The following PBX1 variants were observed in gnomAD, a reference collection of about 807,000 sequenced individuals.
PBX1 encodes the protein pre-B-cell leukemia transcription factor 1.
Under a neutral mutation model 53.4 loss-of-function variants are expected in PBX1, and 6 were observed. That is an observed-to-expected ratio of 0.11 (90% confidence interval 0.06 to 0.22). The LOEUF (loss-of-function observed/expected upper bound fraction) is 0.22. PBX1 is among the 10% of genes least tolerant of loss of function. The pLI is 1.00. For synonymous variants in PBX1, 204 were observed against 212.3 expected, an observed-to-expected ratio of 0.96 and a Z score of 0.34; for missense variants, 251 against 551.4, an observed-to-expected ratio of 0.46 and a Z score of 5.46.
Position 164,610,208 on chromosome 1 carries a change from C to G in PBX1, c.265+46897C>G, listed in dbSNP as rs147815518. On this transcript the variant is annotated intron_variant, in intron 2 of 8. Coordinates refer to ENST00000420696, the MANE Select transcript of PBX1 (RefSeq NM_002585.4). ...GCTCTGGTGCCAACCACAATCTCCC[C>G]GGGAAAGAGATTTGAGGGACTGGAA... is the stretch of plus-strand genomic sequence containing the variant. Among the ~76,000 whole-genome samples the G allele has an allele frequency of 9.6e-3, 1,468 of 152,244 alleles. 12 individuals carry two copies. Among genetic ancestry groups the G allele is most frequent in the Non-Finnish European group, 0.016 (1,061 of 68,028 alleles).
intron 2 of PBX1, among the ~76,000 whole-genome samples, chr1:164,659,288 A>G (rs936525435): frequency 1.1e-4 from 16 of 152,328 alleles, no homozygotes; most frequent in Middle Eastern, 3.4e-3. Context: ...GGAATTCTGC[A>G]TCCAGATCTT....
At position 164,849,435 on chromosome 1, in the gene PBX1, C is replaced by CT. The variant is rs2102426431; in HGVS notation, c.*2760dup. On this transcript the variant is annotated 3_prime_UTR_variant, in exon 9 of 9. Transcript: ENST00000420696. ...CCACATTAGGCGAAGCAGGAGAACA[C>CT]TGAGAGCAGCAGGATGGGTTTGGAA... is the stretch of plus-strand genomic sequence containing the variant. 1 of 1,535,410 alleles carries CT rather than the reference C, an allele frequency of 6.5e-7. No homozygotes were observed. The highest frequency in any genetic ancestry group is 2.4e-5 in the East Asian group (1 of 40,892).
intron 8 of PBX1, among the ~76,000 whole-genome samples, chr1:164,826,268 G>C (rs1037153515): frequency 2.0e-5 from 3 of 149,560 alleles, no homozygotes; most frequent in African/African-American, 7.5e-5. Context: ...GCCAACCCCA[G>C]TGTTCAAATT....
chr1:164,681,715 C>T (rs141405393), intron 2 of PBX1, among the ~76,000 whole-genome samples: 2,445 of 152,242 alleles, frequency 0.016, 28 homozygotes, highest in Non-Finnish European at 0.025. Context: ...TGAAAAACTA[C>T]CTATGAGGTA....
At chr1:164,579,821 C>G (rs1654488389) in intron 2 of PBX1, among the ~76,000 whole-genome samples, 4 of 152,060 alleles carry the variant, frequency 2.6e-5, no homozygotes, top group African/African-American at 9.7e-5. Context: ...CCAGAATTCT[C>G]CTGTTCATAT....
At chr1:164,801,721 TACA>T (rs1039840437) in intron 4 of PBX1, among the ~76,000 whole-genome samples, 2 of 152,206 alleles carry the variant, frequency 1.3e-5, no homozygotes, top group African/African-American at 4.8e-5. Flanking sequence ...TTGCTTTGGT[TACA>T]ACATTTGAAT....
chr1:164,691,503 T>TA (rs1354259848), intron 2 of PBX1, among the ~76,000 whole-genome samples: 2 of 152,200 alleles, frequency 1.3e-5, no homozygotes, highest in Non-Finnish European at 2.9e-5. Context: ...CCTCCAGCTC[T>TA]ATCACTTCCA....
chr1:164,623,770 C>G (rs949301575), intron 2 of PBX1, among the ~76,000 whole-genome samples: 7 of 152,158 alleles, frequency 4.6e-5, no homozygotes, highest in Non-Finnish European at 1.0e-4. Flanking sequence ...TTAACAAACT[C>G]GAGTCGTGCC....
chr1:164,815,311 C>T (rs1044292332), intron 6 of PBX1: 4 of 152,230 alleles, frequency 2.6e-5, no homozygotes, highest in African/African-American at 9.6e-5. Flanking sequence ...AATTATATCA[C>T]ATTCTGTGAT....
At position 164,765,487 on chromosome 1, in the gene PBX1, G is replaced by A. The variant is rs142206687; in HGVS notation, c.266-27007G>A. Among the ~76,000 whole-genome samples the A allele has an allele frequency of 3.0e-4, 45 of 152,284 alleles. No individual in the cohort carries two copies. In the East Asian group the frequency reaches 7.5e-3, roughly 25 times the overall value. ...CCTTCTGGTGCCAGATTTAAGGCAG[G>A]AAAAAGCAAACAGCTGTTCAAAATG... is the stretch of plus-strand genomic sequence containing the variant. On this transcript the variant is annotated intron_variant, in intron 2 of 8. Transcript: ENST00000420696.
intron 2 of PBX1, among the ~76,000 whole-genome samples, chr1:164,654,876 C>A (rs1006518379): frequency 1.2e-4 from 18 of 152,158 alleles, no homozygotes; most frequent in South Asian, 2.1e-4. Context: ...CAGCCTCTGC[C>A]ATCAGGAGCT....
chr1:164,644,419 A>G (rs1659329197), intron 2 of PBX1, among the ~76,000 whole-genome samples: 1 of 152,186 alleles, frequency 6.6e-6, no homozygotes, highest in Non-Finnish European at 1.5e-5. Flanking sequence ...GGTGTGTGTC[A>G]AATTCTGCTC....
intron 8 of PBX1, among the ~76,000 whole-genome samples, chr1:164,840,463 T>C (rs1159645861): frequency 6.6e-6 from 1 of 152,176 alleles, no homozygotes; most frequent in African/African-American, 2.4e-5. Context: ...AGATAGGGGC[T>C]CAAGGACACA....
At chr1:164,638,126 G>T (rs778096063) in intron 2 of PBX1, among the ~76,000 whole-genome samples, 1 of 152,230 alleles carries the variant, frequency 6.6e-6, no homozygotes, top group Admixed American at 6.5e-5. Context: ...TGCTATGGCT[G>T]TGTGTGTATG....
At chr1:164,685,577 G>A (rs1380545424) in intron 2 of PBX1, among the ~76,000 whole-genome samples, 1 of 152,274 alleles carries the variant, frequency 6.6e-6, no homozygotes, top group East Asian at 1.9e-4. Context: ...CCCTGCAAAG[G>A]GAAGAGGGTC....
At chr1:164,568,623 A>C (rs574555382) in intron 2 of PBX1, among the ~76,000 whole-genome samples, 1 of 152,336 alleles carries the variant, frequency 6.6e-6, no homozygotes, top group African/African-American at 2.4e-5. Flanking sequence ...AAGGCACTGT[A>C]TTTTCTATAA....
At position 164,619,402 on chromosome 1, in the gene PBX1, A is replaced by G. The variant is rs529181332; in HGVS notation, c.265+56091A>G. Among the ~76,000 whole-genome samples the G allele has an allele frequency of 2.7e-4, 41 of 152,192 alleles. No homozygotes were observed. The South Asian group carries it at 6.0e-3, about 22-fold the overall frequency. On this transcript the variant is annotated intron_variant, in intron 2 of 8. Transcript: ENST00000420696. Reference sequence around the variant, plus strand: ...ACTGCACTTTGTTGGAGCTATTTACAATATCTTTCAAGCAGCTGACTTACT... The same window carrying G: ...ACTGCACTTTGTTGGAGCTATTTACGATATCTTTCAAGCAGCTGACTTACT...
At chr1:164,616,811 T>A (rs1657311240) in intron 2 of PBX1, among the ~76,000 whole-genome samples, 1 of 152,218 alleles carries the variant, frequency 6.6e-6, no homozygotes, top group Non-Finnish European at 1.5e-5. Flanking sequence ...CTAGGCATAG[T>A]GCTAAACCCA....
chr1:164,632,024 C>A (rs1490393865), intron 2 of PBX1, among the ~76,000 whole-genome samples: 1 of 152,220 alleles, frequency 6.6e-6, no homozygotes, highest in African/African-American at 2.4e-5. Context: ...CCACAAATCA[C>A]AGGCTGTTGT....
Sources: gnomAD v4.1 joint callset for allele counts (sites outside exome capture counted in the v4.1 genomes callset) on GRCh38, gnomAD v4.1.1 for gene constraint, MANE v1.5 for transcripts, NCBI Gene and HGNC (gene_info 2026-07-23, HGNC 2026-07-21) for gene names.